GPA33: variants seen among roughly 807,000 people sequenced by gnomAD.
GPA33 encodes the protein glycoprotein A33.
Under a neutral mutation model 35.6 loss-of-function variants are expected in GPA33, and 27 were observed. That is an observed-to-expected ratio of 0.76 (90% confidence interval 0.56 to 1.04). The LOEUF (loss-of-function observed/expected upper bound fraction) is 1.04. Among genes scored for constraint, GPA33 ranks in the 50% least tolerant of loss-of-function variants. The pLI is 0.00. For synonymous variants in GPA33, 176 were observed against 164.0 expected (o/e 1.07, Z -0.56); for missense variants, 428 against 411.9 (o/e 1.04, Z -0.34).
intron 4 of GPA33, among the ~76,000 whole-genome samples, chr1:167,058,056 G>A (rs1055933911): frequency 2.6e-5 from 4 of 152,054 alleles, no homozygotes; most frequent in African/African-American, 4.8e-5. Context: ...AAAATTAGCC[G>A]GGCATGGTGG....
chr1:167,077,271 G>A (rs1395680499), intron 1 of GPA33, among the ~76,000 whole-genome samples: 2 of 151,968 alleles, frequency 1.3e-5, no homozygotes, highest in Non-Finnish European at 2.9e-5. Context: ...TTCATCAGAA[G>A]GTTACTTGCT....
In GPA33 at chr1:167,054,420, A is replaced by C. The variant is rs1180500482; in HGVS notation, c.874T>G (p.Ser292Ala). The change falls in exon 7 of 7, where the codon TCC becomes GCC. Residue 292 changes from serine (S) to alanine (A), a missense_variant. Ser to Ala is a moderately conservative substitution (Grantham distance 99, BLOSUM62 1). Transcript: ENST00000367868. ...TCATCCTCCTCCTCCCTCTCTCTGG[A>C]AAGTTCTCTTAGCTGCTCTGGTGGC... is the stretch of plus-strand genomic sequence containing the variant. ...EEPPEQLREL[S>A]REREEEDDYR... 1.2e-6 allele frequency: 2 copies of C among 1,613,866 alleles called. No individual in the cohort carries two copies. The highest frequency in any genetic ancestry group is 1.3e-5 in the African/African-American group (1 of 74,856).
In GPA33 at chr1:167,086,577, A is replaced by G. The variant is rs529449405; in HGVS notation, c.43+3668T>C. Reference sequence around the variant, plus strand: ...ACTTCAGAGCAGACAAGTGTAGGGCACCACATTTAGGAAAAATCTTCCTGC... The same window carrying G: ...ACTTCAGAGCAGACAAGTGTAGGGCGCCACATTTAGGAAAAATCTTCCTGC... On this transcript the variant is annotated intron_variant, in intron 1 of 6. Coordinates refer to ENST00000367868, the MANE Select transcript of GPA33 (RefSeq NM_005814.3). Among the ~76,000 whole-genome samples, 75 of 152,302 alleles carry G rather than the reference A, an allele frequency of 4.9e-4. 1 individual carries two copies. The highest frequency in any genetic ancestry group is 6.8e-3 in the Middle Eastern group (2 of 294).
chr1:167,087,910 T>TCA (rs375861023), intron 1 of GPA33, among the ~76,000 whole-genome samples: 2,474 of 149,852 alleles, frequency 0.017, 29 homozygotes, highest in Middle Eastern at 0.024. Flanking sequence ...AGACTCTGTC[T>TCA]CACACACACA....
At chr1:167,060,116 G>A (rs988697610) in intron 4 of GPA33, among the ~76,000 whole-genome samples, 1 of 152,124 alleles carries the variant, frequency 6.6e-6, no homozygotes, top group Non-Finnish European at 1.5e-5. Context: ...TCTGGCTCTA[G>A]TGCCCAGGCT....
At chr1:167,055,256 G>T in intron 5 of GPA33, 145 bp from the exon 6 acceptor site, 1 of 734,042 alleles carries the variant, frequency 1.4e-6, no homozygotes, top group Non-Finnish European at 2.2e-6. Context: ...CCATGGCCCA[G>T]GAATATTCTT....
intron 3 of GPA33, among the ~76,000 whole-genome samples, chr1:167,064,998 C>G (rs1359378169): frequency 6.6e-6 from 1 of 152,220 alleles, no homozygotes; most frequent in African/African-American, 2.4e-5. Context: ...ACAACCCCAA[C>G]CCGATTCCCT....
At chr1:167,066,756 G>A (rs1232814516) in intron 3 of GPA33, among the ~76,000 whole-genome samples, 1 of 152,196 alleles carries the variant, frequency 6.6e-6, no homozygotes, top group African/African-American at 2.4e-5. Context: ...GGAACCAGTC[G>A]GGTGCCAAGG....
At chr1:167,073,653 C>A in intron 1 of GPA33, 114 bp from the exon 2 acceptor site, 1 of 921,410 alleles carries the variant, frequency 1.1e-6, no homozygotes, top group Non-Finnish European at 1.6e-6. Flanking sequence ...CACCTCCAGC[C>A]ACAGCTAGAG....
chr1:167,057,880 C>T (rs1310359745), intron 4 of GPA33, among the ~76,000 whole-genome samples: 2 of 152,204 alleles, frequency 1.3e-5, no homozygotes, highest in Admixed American at 1.3e-4. Flanking sequence ...GTCTAGAACT[C>T]CCTGGAGCCA....
intron 1 of GPA33, among the ~76,000 whole-genome samples, chr1:167,075,641 G>C (rs1039473679): frequency 6.6e-6 from 1 of 152,198 alleles, no homozygotes; most frequent in African/African-American, 2.4e-5. Flanking sequence ...TAAGTCTGGA[G>C]TGCCACAGAG....
chr1:167,065,847 G>A (rs761004955), intron 3 of GPA33, among the ~76,000 whole-genome samples: 1 of 152,086 alleles, frequency 6.6e-6, no homozygotes, highest in Non-Finnish European at 1.5e-5. Context: ...GTTCAAGGCC[G>A]GGCCTCATCT....
At chr1:167,073,725 C>T (rs550419670) in intron 1 of GPA33, among the ~76,000 whole-genome samples, 186 bp from the exon 2 acceptor site, 2 of 152,308 alleles carry the variant, frequency 1.3e-5, no homozygotes, top group African/African-American at 2.4e-5. Context: ...TGAGGACAAA[C>T]ACATGGGCCT....
chr1:167,055,171 C>T (rs955474160), intron 5 of GPA33, 60 bp from the exon 6 acceptor site: 2 of 1,577,460 alleles, frequency 1.3e-6, no homozygotes, highest in African/African-American at 1.3e-5. Flanking sequence ...GGGTCTCCTC[C>T]CAGCCAGGGG....
chr1:167,063,755 C>G lies in GPA33; in HGVS notation c.416-18G>C, dbSNP rs752562910. On this transcript the variant is annotated intron_variant, in intron 3 of 6. Coordinates refer to ENST00000367868, the MANE Select transcript of GPA33 (RefSeq NM_005814.3). ...GGGTGGCACTATATAGAGGAGAGAC[C>G]AAAGAGAAGGCATGAGGCAGGTGGG... 6.2e-7 allele frequency: 1 copy of G among 1,605,430 alleles called. No individual in the cohort carries two copies. Among genetic ancestry groups the G allele is most frequent in the East Asian group, 2.2e-5 (1 of 44,624 alleles).
intron 1 of GPA33, among the ~76,000 whole-genome samples, chr1:167,087,475 C>T (rs527335640): frequency 6.6e-6 from 1 of 152,268 alleles, no homozygotes; most frequent in East Asian, 1.9e-4. Context: ...AGCCATTTGC[C>T]CACACCATAG....
intron 2 of GPA33, among the ~76,000 whole-genome samples, chr1:167,073,051 G>C (rs1308474348): frequency 6.6e-6 from 1 of 150,958 alleles, no homozygotes; most frequent in Non-Finnish European, 1.5e-5. Flanking sequence ...CTTCCCAAAA[G>C]AATCCAAACA....
At chr1:167,081,901 G>T (rs565429381) in intron 1 of GPA33, among the ~76,000 whole-genome samples, 2 of 152,336 alleles carry the variant, frequency 1.3e-5, no homozygotes, top group African/African-American at 4.8e-5. Context: ...TGTTGATTGA[G>T]TGGTATGTGG....
chr1:167,072,232 G>A (rs1461349886), intron 2 of GPA33, among the ~76,000 whole-genome samples: 18 of 151,690 alleles, frequency 1.2e-4, no homozygotes, highest in Admixed American at 2.6e-4. Flanking sequence ...CTAAGTGGTC[G>A]GGGACCTAAT....
Sources: allele counts gnomAD v4.1 joint callset (sites outside exome capture counted in the v4.1 genomes callset), GRCh38; gene constraint gnomAD v4.1.1; transcripts MANE v1.5; gene names NCBI Gene and HGNC (gene_info 2026-07-23, HGNC 2026-07-21).